The following MC5R variants were observed in gnomAD, a reference collection of about 807,000 sequenced individuals.
MC5R encodes melanocortin receptor 5.
For synonymous variants in MC5R, 167 were observed against 164.4 expected, an observed-to-expected ratio of 1.02 and a Z score of -0.12; for missense variants, 420 against 431.4, an observed-to-expected ratio of 0.97 and a Z score of 0.23.
chr18:13,826,473 C>A lies in MC5R; in HGVS notation c.708C>A (p.Gly236=). The A allele has an allele frequency of 6.2e-7, 1 of 1,613,632 alleles. No individual in the cohort carries two copies. The highest frequency in any genetic ancestry group is 8.5e-7 in the Non-Finnish European group (1 of 1,179,646). The change falls in exon 2 of 2, where the codon GGC becomes GGA. Residue 236 remains glycine (G), a synonymous_variant. Transcript: ENST00000589410. ...SSARQRTSMQ[G]AVTVTMLLGV... The stretch of plus-strand genomic sequence containing the variant: ...CGCGGCAGAGGACCAGCATGCAGGG[C>A]GCGGTCACCGTCACCATGCTGCTGG...
rs200692446 is a variant in MC5R at position 13,826,236 on chromosome 18, G to T, written c.471G>T (p.Arg157Ser). 2.6e-5 allele frequency: 42 copies of T among 1,613,982 alleles called. No homozygotes were observed. Among genetic ancestry groups the T allele is most frequent in the Non-Finnish European group, 3.6e-5 (42 of 1,180,034 alleles). ...GCTACCACCACATCATGACGGCGAG[G>T]CGCTCAGGGGCCATCATCGCCGGCA... ...ALRYHHIMTARRSGAIIAGIW... is the reference protein window; with the variant it reads ...ALRYHHIMTASRSGAIIAGIW... Residue 157 changes from arginine to serine, a missense_variant, in exon 2 of 2, where the codon AGG becomes AGT. Arg to Ser is a moderately radical substitution (Grantham distance 110). Coordinates refer to ENST00000589410, the MANE Select transcript of MC5R (RefSeq NM_005913.3).
chr18:13,826,204 G>T lies in MC5R; in HGVS notation c.439G>T (p.Ala147Ser). Residue 147 changes from alanine to serine, a missense_variant, in exon 2 of 2, where the codon GCC becomes TCC. Transcript: ENST00000589410. Reference sequence around the variant, plus strand: ...GGATAGGTACGTCACCATCTTCTACGCCCTGCGCTACCACCACATCATGAC... The same window carrying T: ...GGATAGGTACGTCACCATCTTCTACTCCCTGCGCTACCACCACATCATGAC... ...AVDRYVTIFY[A>S]LRYHHIMTAR... 1 of 1,614,082 alleles carries T rather than the reference G, an allele frequency of 6.2e-7. No individual in the cohort carries two copies. Among genetic ancestry groups the T allele is most frequent in the Non-Finnish European group, 8.5e-7 (1 of 1,180,042 alleles).
In MC5R at chr18:13,826,766, G is replaced by T. The variant is rs769424072; in HGVS notation, c.*23G>T. 3.8e-6 allele frequency: 6 copies of T among 1,574,892 alleles called. No homozygotes were observed. The Admixed American group carries it at 8.9e-5, about 23-fold the overall frequency. On this transcript the variant is annotated 3_prime_UTR_variant, in exon 2 of 2. Coordinates refer to ENST00000589410, the MANE Select transcript of MC5R (RefSeq NM_005913.3). ...TAAGCACAAAGTGCTCCTCTCTGTG[G>T]CTCTGTTCTCCTTTGTTTGCTCACC...
rs1395985037 is a variant in MC5R, at chr18:13,826,275, C to T, written c.510C>T (p.Cys170=). The part of the protein sequence containing the change: ...GAIIAGIWAF[C]TGCGIVFILY... ...TCATCGCCGGCATCTGGGCTTTCTG[C>T]ACGGGCTGCGGCATTGTCTTCATCC... The change falls in exon 2 of 2, where the codon TGC becomes TGT. Residue 170 remains cysteine, a synonymous_variant. Coordinates refer to ENST00000589410, the MANE Select transcript of MC5R (RefSeq NM_005913.3). The T allele has an allele frequency of 3.7e-6, 6 of 1,614,192 alleles. No homozygotes were observed. The South Asian group carries it at 6.6e-5, about 18-fold the overall frequency.
Position 13,825,940 on chromosome 18 carries a change from G to C in MC5R, c.175G>C (p.Gly59Arg), listed in dbSNP as rs766975481. The stretch of plus-strand genomic sequence containing the variant: ...CCTCTTGGAGAACATCTTGGTCATA[G>C]GGGCCATAGTGAAGAACAAAAACCT... ...ISLLENILVI[G>R]AIVKNKNLHS... Residue 59 changes from glycine to arginine, a missense_variant, in exon 2 of 2, where the codon GGG becomes CGG. Transcript: ENST00000589410. The C allele has an allele frequency of 6.2e-7, 1 of 1,613,972 alleles. No individual in the cohort carries two copies. The highest frequency in any genetic ancestry group is 1.3e-5 in the African/African-American group (1 of 74,878).
At position 13,826,704 on chromosome 18, in the gene MC5R, T is replaced by TAAA; in HGVS notation, c.939_940insAAA (p.Arg313_Gly314insLys). 2 of 1,613,286 alleles carry TAAA rather than the reference T, an allele frequency of 1.2e-6. No individual in the cohort carries two copies. The highest frequency in any genetic ancestry group is 2.2e-5 in the South Asian group (2 of 90,908). ...CCTTTAAGGAGATTATTTGCTGCCG[T>TAAA]GGTTTCAGGATCGCCTGCAGCTTTC... On this transcript the variant is annotated inframe_insertion, in exon 2 of 2. Transcript: ENST00000589410.
chr18:13,825,901 C>T lies in MC5R; in HGVS notation c.136C>T (p.Leu46=), dbSNP rs1344522408. The change falls in exon 2 of 2, where the codon CTG becomes TTG. Residue 46 remains leucine (L), a synonymous_variant. Transcript: ENST00000589410. ...CATTGCTGTGGAGGTGTTTCTCACTCTGGGTGTCATCAGCCTCTTGGAGAA... is the reference window on the plus strand; with the variant it reads ...CATTGCTGTGGAGGTGTTTCTCACTTTGGGTGTCATCAGCCTCTTGGAGAA... ...MGIAVEVFLT[L]GVISLLENIL... The T allele has an allele frequency of 3.7e-6, 6 of 1,614,114 alleles. No individual in the cohort carries two copies. Among genetic ancestry groups the T allele is most frequent in the Non-Finnish European group, 5.1e-6 (6 of 1,180,018 alleles).
rs2044935015 is a variant in MC5R, at chr18:13,827,020, C to G, written c.*277C>G. ...CCCATTTCTGGGGGCCCCATCCACC[C>G]TCCACCTAGCAGGCATGTGCTCGGG... On this transcript the variant is annotated 3_prime_UTR_variant, in exon 2 of 2. Coordinates refer to ENST00000589410, the MANE Select transcript of MC5R (RefSeq NM_005913.3). 1 of 378,226 alleles carries G rather than the reference C, an allele frequency of 2.6e-6. No individual in the cohort carries two copies. The highest frequency in any genetic ancestry group is 5.0e-5 in the South Asian group (1 of 19,802). 23.4% of individuals were successfully genotyped at this position (378,226 alleles called of 1,614,324 possible). A position where few individuals can be genotyped will look rare whatever the true frequency, so the allele number is the denominator to read the frequency against.
In MC5R at chr18:13,826,232, C is replaced by T. The variant is rs1423428735; in HGVS notation, c.467C>T (p.Ala156Val). Residue 156 changes from alanine (A) to valine (V), a missense_variant, in exon 2 of 2, where the codon GCG (alanine) becomes GTG (valine). By Grantham distance (64) the Ala-to-Val change is moderately conservative. Coordinates refer to ENST00000589410, the MANE Select transcript of MC5R (RefSeq NM_005913.3). ...YALRYHHIMT[A>V]RRSGAIIAGI... is the part of the protein sequence containing the mutation. ...CTGCGCTACCACCACATCATGACGG[C>T]GAGGCGCTCAGGGGCCATCATCGCC... 2 of 1,614,106 alleles carry T rather than the reference C, an allele frequency of 1.2e-6. No homozygotes were observed. The highest frequency in any genetic ancestry group is 1.3e-5 in the African/African-American group (1 of 75,030).
chr18:13,826,200 C>T lies in MC5R; in HGVS notation c.435C>T (p.Phe145=), dbSNP rs150190699. ...CAGTGGATAGGTACGTCACCATCTTCTACGCCCTGCGCTACCACCACATCA... is the reference window on the plus strand; with the variant it reads ...CAGTGGATAGGTACGTCACCATCTTTTACGCCCTGCGCTACCACCACATCA... ...AIAVDRYVTI[F]YALRYHHIMT... is the part of the protein sequence containing the mutation. The change falls in exon 2 of 2, where the codon TTC becomes TTT. Residue 145 remains phenylalanine, a synonymous_variant. Transcript: ENST00000589410. 667 of 1,614,176 alleles carry T rather than the reference C, an allele frequency of 4.1e-4. 2 individuals carry two copies. In the African/African-American group the frequency reaches 7.8e-3, roughly 19 times the overall value.
In MC5R at chr18:13,826,476, G is replaced by C. The variant is rs372367847; in HGVS notation, c.711G>C (p.Ala237=). Residue 237 remains alanine, a synonymous_variant, in exon 2 of 2, where the codon GCG becomes GCC. Coordinates refer to ENST00000589410, the MANE Select transcript of MC5R (RefSeq NM_005913.3). ...GGCAGAGGACCAGCATGCAGGGCGC[G>C]GTCACCGTCACCATGCTGCTGGGCG... ...SARQRTSMQG[A]VTVTMLLGVF... 6.2e-6 allele frequency: 10 copies of C among 1,613,486 alleles called. No homozygotes were observed. The highest frequency in any genetic ancestry group is 2.7e-5 in the African/African-American group (2 of 74,908).
At position 13,826,910 on chromosome 18, in the gene MC5R, C is replaced by T. The variant is rs1288475762; in HGVS notation, c.*167C>T. 6 of 669,228 alleles carry T rather than the reference C, an allele frequency of 9.0e-6. No homozygotes were observed. The African/African-American group carries it at 9.0e-5, about 10-fold the overall frequency. 41.5% of individuals were successfully genotyped at this position (669,228 alleles called of 1,614,324 possible). ...TTCAGTTCCTGGTGATTATGTCCAA[C>T]ATGCAAGGGTTGCTTATCCACTCTG... On this transcript the variant is annotated 3_prime_UTR_variant, in exon 2 of 2. Coordinates refer to ENST00000589410, the MANE Select transcript of MC5R (RefSeq NM_005913.3).
At chr18:13,825,179 C>T (rs541830286) in intron 1 of MC5R, among the ~76,000 whole-genome samples, 1 of 152,196 alleles carries the variant, frequency 6.6e-6, no homozygotes, top group East Asian at 1.9e-4. Flanking sequence ...GTGCAGTAGC[C>T]TTAGGAATGT....
In MC5R at chr18:13,826,523, C is replaced by T. The variant is rs766475909; in HGVS notation, c.758C>T (p.Pro253Leu). Residue 253 changes from proline to leucine, a missense_variant, in exon 2 of 2, where the codon CCG (proline) becomes CTG (leucine). By Grantham distance (98) the Pro-to-Leu change is moderately conservative. Coordinates refer to ENST00000589410, the MANE Select transcript of MC5R (RefSeq NM_005913.3). ...GGCGTGTTTACCGTGTGCTGGGCCC[C>T]GTTCTTCCTTCATCTCACTTTAATG... Reference protein sequence around the residue: ...LLGVFTVCWAPFFLHLTLMLS... With the variant: ...LLGVFTVCWALFFLHLTLMLS... 2 of 1,613,850 alleles carry T rather than the reference C, an allele frequency of 1.2e-6. No individual in the cohort carries two copies. Among genetic ancestry groups the T allele is most frequent in the South Asian group, 1.1e-5 (1 of 91,066 alleles).
Position 13,826,541 on chromosome 18 carries a change from C to T in MC5R, c.776C>T (p.Thr259Ile), listed in dbSNP as rs145666410. 1.2e-6 allele frequency: 2 copies of T among 1,614,118 alleles called. No homozygotes were observed. Among genetic ancestry groups the T allele is most frequent in the Non-Finnish European group, 1.7e-6 (2 of 1,179,982 alleles). The change falls in exon 2 of 2, where the codon ACT (threonine) becomes ATT (isoleucine). Residue 259 changes from threonine (T) to isoleucine (I), a missense_variant. By Grantham distance (89) the Thr-to-Ile change is moderately conservative (BLOSUM62 -1). Coordinates refer to ENST00000589410, the MANE Select transcript of MC5R (RefSeq NM_005913.3). ...TGGGCCCCGTTCTTCCTTCATCTCA[C>T]TTTAATGCTTTCTTGCCCTCAGAAC... ...VCWAPFFLHL[T>I]LMLSCPQNLY...
Position 13,826,276 on chromosome 18 carries a change from A to G in MC5R, c.511A>G (p.Thr171Ala), listed in dbSNP as rs768853617. Reference protein sequence around the residue: ...AIIAGIWAFCTGCGIVFILYS... With the variant: ...AIIAGIWAFCAGCGIVFILYS... ...CATCGCCGGCATCTGGGCTTTCTGC[A>G]CGGGCTGCGGCATTGTCTTCATCCT... The change falls in exon 2 of 2, where the codon ACG becomes GCG. Residue 171 changes from threonine (T) to alanine (A), a missense_variant. Coordinates refer to ENST00000589410, the MANE Select transcript of MC5R (RefSeq NM_005913.3). 8.1e-6 allele frequency: 13 copies of G among 1,614,134 alleles called. No individual in the cohort carries two copies. The highest frequency in any genetic ancestry group is 1.6e-4 in the Middle Eastern group (1 of 6,062).
rs2044932782 is a variant in MC5R, at chr18:13,826,663, C to G, written c.898C>G (p.Gln300Glu). The change falls in exon 2 of 2, where the codon CAA (glutamine) becomes GAA (glutamate). Residue 300 changes from glutamine to glutamate, a missense_variant. Gln to Glu is a conservative substitution (Grantham distance 29, BLOSUM62 2). Transcript: ENST00000589410. ...MDPLIYAFRS[Q>E]EMRKTFKEII... Reference sequence around the variant, plus strand: ...CCCTCTCATATATGCCTTCCGCAGCCAAGAGATGCGGAAGACCTTTAAGGA... The same window carrying G: ...CCCTCTCATATATGCCTTCCGCAGCGAAGAGATGCGGAAGACCTTTAAGGA... 7 of 1,613,996 alleles carry G rather than the reference C, an allele frequency of 4.3e-6. No homozygotes were observed. Among genetic ancestry groups the G allele is most frequent in the Non-Finnish European group, 5.9e-6 (7 of 1,179,950 alleles).
Position 13,827,081 on chromosome 18 carries a change from T to A in MC5R, c.*338T>A, listed in dbSNP as rs190344195. 1,758 of 239,998 alleles carry A rather than the reference T, an allele frequency of 7.3e-3. 40 individuals carry two copies. Among genetic ancestry groups the A allele is most frequent in the Non-Finnish European group, 6.6e-3 (826 of 125,062 alleles). The allele number at this position is 239,998 out of a possible 1,614,324, so 14.9% of individuals were successfully genotyped here. ...CACCCTCAGTGCAAGCCAGACATGATGAAACACGTATTGTGACGCGAAGAA... is the reference window on the plus strand; with the variant it reads ...CACCCTCAGTGCAAGCCAGACATGAAGAAACACGTATTGTGACGCGAAGAA... On this transcript the variant is annotated 3_prime_UTR_variant, in exon 2 of 2. Coordinates refer to ENST00000589410, the MANE Select transcript of MC5R (RefSeq NM_005913.3).
Position 13,826,856 on chromosome 18 carries a change from T to C in MC5R, c.*113T>C. 8.4e-7 allele frequency: 1 copy of C among 1,195,052 alleles called. No individual in the cohort carries two copies. The highest frequency in any genetic ancestry group is 1.2e-6 in the Non-Finnish European group (1 of 862,204). The allele number at this position is 1,195,052 out of a possible 1,614,324, so 74.0% of individuals were successfully genotyped here. ...GCATCCCATTTTTCTCTTTACCAGC[T>C]CAGACATGGGCCTAAGAGGCTCTCT... On this transcript the variant is annotated 3_prime_UTR_variant, in exon 2 of 2. Coordinates refer to ENST00000589410, the MANE Select transcript of MC5R (RefSeq NM_005913.3).
Sources: gnomAD v4.1 joint callset for allele counts (sites outside exome capture counted in the v4.1 genomes callset) on GRCh38, gnomAD v4.1.1 for gene constraint, MANE v1.5 for transcripts, NCBI Gene and HGNC (gene_info 2026-07-23, HGNC 2026-07-21) for gene names.